Variants in ITGB2 observed in about 807,000 individuals in gnomAD.
ITGB2 encodes the protein integrin subunit beta 2.
In ITGB2, 56 loss-of-function variants were observed where a neutral mutation model predicts 86.8. That is an observed-to-expected ratio of 0.65 (90% confidence interval 0.52 to 0.81). ITGB2 has a LOEUF of 0.81. Among genes scored for constraint, ITGB2 ranks in the 30% least tolerant of loss-of-function variants. The pLI is 0.00. For synonymous variants in ITGB2, 457 were observed against 450.4 expected (o/e 1.01, Z -0.19); for missense variants, 948 against 1,061.2 (o/e 0.89, Z 1.48).
chr21:44,911,190 A>C, intron 1 of ITGB2: 1 of 330,974 alleles, frequency 3.0e-6, no homozygotes, highest in Non-Finnish European at 5.9e-6. Flanking sequence ...CACCACACAT[A>C]TGTACACACA....
At chr21:44,914,336 A>C (rs1387007318) in intron 1 of ITGB2, 1 of 152,368 alleles carries the variant, frequency 6.6e-6, no homozygotes. Flanking sequence ...GCCCAGCTGC[A>C]GGAAGTGGTA....
intron 1 of ITGB2, among the ~76,000 whole-genome samples, chr21:44,915,174 C>A (rs888053599): frequency 6.6e-6 from 1 of 152,144 alleles, no homozygotes; most frequent in Non-Finnish European, 1.5e-5. Flanking sequence ...CAGGCTCCCA[C>A]GACCACGCCC....
intron 14 of ITGB2, among the ~76,000 whole-genome samples, chr21:44,888,009 T>G (rs1339942443): frequency 6.6e-6 from 1 of 152,150 alleles, no homozygotes; most frequent in African/African-American, 2.4e-5. Flanking sequence ...CTGTGGAACA[T>G]GAGACCTGAA....
In ITGB2 at chr21:44,886,311, G is replaced by T; in HGVS notation, c.*57C>A. On this transcript the variant is annotated 3_prime_UTR_variant, in exon 16 of 16. Transcript: ENST00000652462. ...AAGAGCTGTGGCAAGCCATGTCTCGGCCGCGTGATGGGGCAGACATGGTGG... is the reference window on the plus strand; with the variant it reads ...AAGAGCTGTGGCAAGCCATGTCTCGTCCGCGTGATGGGGCAGACATGGTGG... The T allele has an allele frequency of 6.9e-7, 1 of 1,450,140 alleles. No individual in the cohort carries two copies. Among genetic ancestry groups the T allele is most frequent in the Non-Finnish European group, 9.7e-7 (1 of 1,030,618 alleles). The allele number at this position is 1,450,140 out of a possible 1,614,324, so 89.8% of individuals were successfully genotyped here.
chr21:44,895,763 C>T (rs981468037), intron 8 of ITGB2, among the ~76,000 whole-genome samples: 1 of 146,176 alleles, frequency 6.8e-6, no homozygotes, highest in Admixed American at 6.8e-5. Flanking sequence ...ACCCAGGAGG[C>T]GGAGGTCGCA....
intron 1 of ITGB2, among the ~76,000 whole-genome samples, chr21:44,912,271 G>C (rs2084145583): frequency 6.6e-6 from 1 of 152,148 alleles, no homozygotes; most frequent in Non-Finnish European, 1.5e-5. Flanking sequence ...GACAGCGCTG[G>C]GTGCTGTGCT....
chr21:44,891,765 G>A, intron 11 of ITGB2, 44 bp downstream of exon 11: 1 of 1,592,830 alleles, frequency 6.3e-7, no homozygotes, highest in Non-Finnish European at 8.5e-7. Flanking sequence ...GCCCTGTGGG[G>A]TGGGGCTCGG....
At chr21:44,910,909 G>A (rs112245103) in intron 1 of ITGB2, 124 bp from the exon 2 acceptor site, 1 of 979,636 alleles carries the variant, frequency 1.0e-6, no homozygotes, top group African/African-American at 1.6e-5. Flanking sequence ...GCAGGGGGTG[G>A]GTTAGGGTCA....
chr21:44,894,286 G>T (rs183931413), intron 9 of ITGB2: 1 of 162,972 alleles, frequency 6.1e-6, no homozygotes, highest in Non-Finnish European at 1.4e-5. Flanking sequence ...AGGCGCTAAC[G>T]TGCTGAGCTC....
intron 8 of ITGB2, among the ~76,000 whole-genome samples, chr21:44,896,049 G>T (rs112358326): frequency 1.3e-5 from 2 of 151,890 alleles, no homozygotes; most frequent in Non-Finnish European, 2.9e-5. Context: ...GAGTGCTCCC[G>T]CCTGCGGTGT....
At chr21:44,894,938 A>G (rs2146511185) in intron 9 of ITGB2, 33 bp downstream of exon 9, 2 of 1,446,364 alleles carry the variant, frequency 1.4e-6, no homozygotes, top group South Asian at 1.1e-5. Flanking sequence ...TGGCCACCCC[A>G]TGGGTCCCAG....
chr21:44,889,523 T>C (rs1199637191), intron 12 of ITGB2, 28 bp from the exon 13 acceptor site: 8 of 1,533,962 alleles, frequency 5.2e-6, no homozygotes, highest in Non-Finnish European at 7.1e-6. Context: ...ACGGCTAAGC[T>C]CCTGCTTGGC....
intron 9 of ITGB2, 94 bp downstream of exon 9, chr21:44,894,877 C>T: frequency 1.1e-6 from 1 of 920,154 alleles, no homozygotes; most frequent in African/African-American, 1.6e-5. Context: ...TCCTCCCAGA[C>T]CACCCTCCTG....
rs202215012 is a variant in ITGB2, at chr21:44,889,938, C to T, written c.1657+40G>A. On this transcript the variant is annotated intron_variant, in intron 12 of 15. Transcript: ENST00000652462. ...GCACCCCCCAACACCAAGTCTGTGC[C>T]GCAGGACGGCCGTTGTCCAGCAGGG... 648 of 1,610,898 alleles carry T rather than the reference C, an allele frequency of 4.0e-4. 3 individuals carry two copies. In the African/African-American group the frequency reaches 7.2e-3, roughly 18 times the overall value.
chr21:44,907,818 G>T (rs947183731), intron 3 of ITGB2, among the ~76,000 whole-genome samples: 4 of 152,248 alleles, frequency 2.6e-5, no homozygotes, highest in Admixed American at 6.5e-5. Context: ...AGGCAGGGGG[G>T]CAGGTGGGAG....
chr21:44,903,771 G>A (rs2146532432), intron 4 of ITGB2, among the ~76,000 whole-genome samples: 1 of 152,270 alleles, frequency 6.6e-6, no homozygotes, highest in East Asian at 1.9e-4. Context: ...GCCTCGCAGT[G>A]ACACTGAAAC....
intron 12 of ITGB2, 98 bp downstream of exon 12, chr21:44,889,880 C>A: frequency 2.6e-6 from 4 of 1,528,642 alleles, no homozygotes; most frequent in East Asian, 4.5e-5. Flanking sequence ...CAGGATCCCC[C>A]CTTTCTGTTC....
Position 44,901,740 on chromosome 21 carries a change from G to C in ITGB2, c.500-7C>G. On this transcript the variant is annotated splice_region_variant and splice_polypyrimidine_tract_variant and intron_variant, in intron 5 of 15. Coordinates refer to ENST00000652462, the MANE Select transcript of ITGB2 (RefSeq NM_000211.5). ...TCCACGAAGGACCCGAAGCCTGCAG[G>C]GCACATGGAGGGGCTGGGGAGGTGG... 6.2e-7 allele frequency: 1 copy of C among 1,606,042 alleles called. No homozygotes were observed.
chr21:44,886,136 A>C lies in ITGB2; in HGVS notation c.*232T>G. The C allele has an allele frequency of 1.7e-6, 1 of 590,094 alleles. No homozygotes were observed. Among genetic ancestry groups the C allele is most frequent in the Non-Finnish European group, 3.0e-6 (1 of 328,504 alleles). The allele number at this position is 590,094 out of a possible 1,614,324, so 36.6% of individuals were successfully genotyped here. ...ACACGCACCTAACCTCACCAACCTC[A>C]AGCCCTCCCTCCTCAAGTCTCCATG... On this transcript the variant is annotated 3_prime_UTR_variant, in exon 16 of 16. Coordinates refer to ENST00000652462, the MANE Select transcript of ITGB2 (RefSeq NM_000211.5).
Sources: gnomAD v4.1 joint callset for allele counts (sites outside exome capture counted in the v4.1 genomes callset) on GRCh38, gnomAD v4.1.1 for gene constraint, MANE v1.5 for transcripts, NCBI Gene and HGNC (gene_info 2026-07-23, HGNC 2026-07-21) for gene names.